DYRK1A: variants seen among roughly 807,000 people sequenced by gnomAD.
DYRK1A encodes dual specificity tyrosine phosphorylation regulated kinase 1A, also known as dual specificity tyrosine-phosphorylation-regulated kinase 1A.
In DYRK1A, 9 loss-of-function variants were observed where a neutral mutation model predicts 79.7. The observed-to-expected ratio is 0.11, with a 90% confidence interval of 0.07 to 0.20. The LOEUF is 0.20. DYRK1A is among the 10% of genes least tolerant of loss of function. The probability of loss-of-function intolerance (pLI) is 1.00; values close to 1 mark genes in which losing one functional copy is unlikely to be tolerated. For synonymous variants in DYRK1A, 349 were observed against 329.7 expected (o/e 1.06, Z -0.63); for missense variants, 622 against 956.0 (o/e 0.65, Z 4.61).
At chr21:37,409,290 T>G (rs2050201994) in intron 1 of DYRK1A, among the ~76,000 whole-genome samples, 3 of 152,162 alleles carry the variant, frequency 2.0e-5, no homozygotes, top group Admixed American at 2.0e-4. Flanking sequence ...GCCACATCTT[T>G]GATAATACAG....
intron 2 of DYRK1A, among the ~76,000 whole-genome samples, chr21:37,433,255 A>T (rs1233573480): frequency 6.6e-6 from 1 of 152,172 alleles, no homozygotes; most frequent in African/African-American, 2.4e-5. Context: ...TAGGCAGATG[A>T]TGTTTCCTTA....
chr21:37,509,313 G>C (rs2053687089), intron 11 of DYRK1A, among the ~76,000 whole-genome samples: 1 of 152,136 alleles, frequency 6.6e-6, no homozygotes. Context: ...TTCTAGTCTT[G>C]ACATATATTT....
intron 1 of DYRK1A, among the ~76,000 whole-genome samples, chr21:37,384,197 G>T (rs1323226469): frequency 1.3e-5 from 2 of 152,190 alleles, no homozygotes. Flanking sequence ...GTTGTCATTT[G>T]AGGAGCAGAG....
At chr21:37,381,324 A>G (rs999742875) in intron 1 of DYRK1A, among the ~76,000 whole-genome samples, 27 of 152,240 alleles carry the variant, frequency 1.8e-4, no homozygotes, top group African/African-American at 6.3e-4. Flanking sequence ...CTATGTAGTC[A>G]GGAGAAAGAA....
In DYRK1A at chr21:37,402,944, A is replaced by G. The variant is rs149877640; in HGVS notation, c.-76-17355A>G. Among the ~76,000 whole-genome samples, 1,071 of 152,066 alleles carry G rather than the reference A, an allele frequency of 7.0e-3. 14 individuals carry two copies. Among genetic ancestry groups the G allele is most frequent in the African/African-American group, 0.025 (1,028 of 41,462 alleles). Reference sequence around the variant, plus strand: ...ATGCCTGCCTAATTTTTGTATTTTTAGTAGAGATGGGTTTTCACCATGTTG... The same window carrying G: ...ATGCCTGCCTAATTTTTGTATTTTTGGTAGAGATGGGTTTTCACCATGTTG... On this transcript the variant is annotated intron_variant, in intron 1 of 11. Coordinates refer to ENST00000647188, the MANE Select transcript of DYRK1A (RefSeq NM_001347721.2).
intron 2 of DYRK1A, among the ~76,000 whole-genome samples, chr21:37,439,972 G>C (rs1046840658): frequency 6.6e-6 from 1 of 151,752 alleles, no homozygotes; most frequent in Non-Finnish European, 1.5e-5. Context: ...TCTTTATTTT[G>C]ATTGTTTGAT....
At chr21:37,396,341 T>G (rs1428751545) in intron 1 of DYRK1A, among the ~76,000 whole-genome samples, 2 of 152,192 alleles carry the variant, frequency 1.3e-5, no homozygotes, top group African/African-American at 2.4e-5. Context: ...TAATGTTAAC[T>G]TCTTTGTATT....
chr21:37,417,523 C>CTTTTTTTTTTTT (rs1378320554), intron 1 of DYRK1A, among the ~76,000 whole-genome samples: 1 of 47,160 alleles, frequency 2.1e-5, no homozygotes, highest in Non-Finnish European at 4.0e-5. Context: ...TTTTCTTTTT[C>CTTTTTTTTTTTT]TTTTTCTTTT....
chr21:37,442,283 A>G (rs2051131167), intron 2 of DYRK1A, among the ~76,000 whole-genome samples: 1 of 151,972 alleles, frequency 6.6e-6, no homozygotes, highest in South Asian at 2.1e-4. Flanking sequence ...TTTGACCATT[A>G]GTTTTTCAAA....
chr21:37,486,305 G>T, intron 5 of DYRK1A, 162 bp from the exon 6 acceptor site: 1 of 438,546 alleles, frequency 2.3e-6, no homozygotes. Flanking sequence ...GATATATATT[G>T]AATAGAAATA....
At chr21:37,508,702 C>G (rs1030872615) in intron 11 of DYRK1A, among the ~76,000 whole-genome samples, 1 of 152,216 alleles carries the variant, frequency 6.6e-6, no homozygotes, top group Non-Finnish European at 1.5e-5. Flanking sequence ...GCCATTCTTT[C>G]TCCTCTTCAC....
chr21:37,384,286 A>G (rs755282661), intron 1 of DYRK1A, among the ~76,000 whole-genome samples: 7 of 152,174 alleles, frequency 4.6e-5, no homozygotes, highest in African/African-American at 1.2e-4. Context: ...TTGATTGTAC[A>G]TGTATAAGGT....
chr21:37,509,379 TG>T (rs1331746883), intron 11 of DYRK1A, among the ~76,000 whole-genome samples: 1 of 152,236 alleles, frequency 6.6e-6, no homozygotes, highest in Non-Finnish European at 1.5e-5. Flanking sequence ...TTTATTTATT[TG>T]CACAGTATCC....
intron 1 of DYRK1A, among the ~76,000 whole-genome samples, chr21:37,394,036 G>A (rs1213391995): frequency 2.6e-5 from 4 of 152,078 alleles, no homozygotes; most frequent in African/African-American, 4.8e-5. Context: ...GGTGGGGTGG[G>A]GATTGTACAA....
intron 2 of DYRK1A, among the ~76,000 whole-genome samples, chr21:37,450,257 T>C (rs1422955072): frequency 6.6e-6 from 1 of 152,222 alleles, no homozygotes; most frequent in Non-Finnish European, 1.5e-5. Context: ...CTTGGTGGCA[T>C]GGCTTTTTTG....
chr21:37,457,863 G>T (rs1387169024), intron 2 of DYRK1A, among the ~76,000 whole-genome samples: 1 of 152,164 alleles, frequency 6.6e-6, no homozygotes. Context: ...TGCTGTTGCT[G>T]TGCCTGCTTT....
chr21:37,490,525 A>G lies in DYRK1A; in HGVS notation c.924+64A>G. ...TAAATAGAAGTAGGTAGGACAGTGT[A>G]GGTATTAGGTTGGCGCAAAAGTAAT... is the stretch of plus-strand genomic sequence containing the variant. On this transcript the variant is annotated intron_variant, in intron 7 of 11. Transcript: ENST00000647188. 6.0e-6 allele frequency: 8 copies of G among 1,330,888 alleles called. No homozygotes were observed. In the South Asian group the frequency reaches 1.1e-4, roughly 18 times the overall value. The allele number at this position is 1,330,888 out of a possible 1,614,324, so 82.4% of individuals were successfully genotyped here.
At chr21:37,426,919 T>TC (rs70940562) in intron 2 of DYRK1A, among the ~76,000 whole-genome samples, 77,519 of 118,364 alleles carry the variant, frequency 0.65, 26,550 homozygotes, top group East Asian at 0.85. Flanking sequence ...GACTCGGTTC[T>TC]AAAAAAAAAA....
Position 37,496,840 on chromosome 21 carries a change from GGTTT to G in DYRK1A, c.1212+587_1212+590del, listed in dbSNP as rs570831857. ...TTAAAGTGAGGTTTTTAAAACATTTGGTTTGTTTTAGTAATTTTCTTTTATCTGA... is the reference window on the plus strand; with the variant it reads ...TTAAAGTGAGGTTTTTAAAACATTTGGTTTTAGTAATTTTCTTTTATCTGA... On this transcript the variant is annotated intron_variant, in intron 9 of 11. Transcript: ENST00000647188. Among the ~76,000 whole-genome samples, 350 of 152,000 alleles carry G rather than the reference GGTTT, an allele frequency of 2.3e-3. 2 individuals are homozygous for G. The highest frequency in any genetic ancestry group is 8.1e-3 in the African/African-American group (335 of 41,476).
Sources: allele counts gnomAD v4.1 joint callset (sites outside exome capture counted in the v4.1 genomes callset), GRCh38; gene constraint gnomAD v4.1.1; transcripts MANE v1.5; gene names NCBI Gene and HGNC (gene_info 2026-07-23, HGNC 2026-07-21).